CIB1: variants seen among roughly 807,000 people sequenced by gnomAD.
The protein encoded by CIB1 is calcium and integrin binding 1.
A neutral mutation model predicts 25.0 loss-of-function variants in CIB1; 19 were observed. The observed-to-expected ratio is 0.76, with a 90% CI of 0.53 to 1.12. CIB1 has a LOEUF of 1.12. Among genes scored for constraint, CIB1 ranks in the 50% most tolerant of loss-of-function variants. The pLI is 0.00. For missense variants in CIB1, 236 were observed against 242.6 expected (o/e 0.97, Z 0.18); for synonymous variants, 104 against 98.5 (o/e 1.06, Z -0.33).
chr15:90,265,565 G>A, the CIB1 span: 1 of 1,386,006 alleles, frequency 7.2e-7, no homozygotes, highest in South Asian at 1.4e-5. Flanking sequence ...CCACTGAGCA[G>A]CGTGAGCCCA....
the CIB1 span, chr15:90,264,023 G>C: frequency 6.5e-7 from 1 of 1,535,956 alleles, no homozygotes; most frequent in Non-Finnish European, 8.7e-7. Flanking sequence ...GCTGGGAGGT[G>C]CTATTTTTCC....
chr15:90,264,223 G>A, the CIB1 span, among the ~76,000 whole-genome samples: 2 of 152,026 alleles, frequency 1.3e-5, no homozygotes, highest in Admixed American at 6.6e-5. Context: ...ACAAGGTCAC[G>A]CTCTGTCGCC....
the CIB1 span, chr15:90,258,688 C>T: frequency 7.0e-7 from 1 of 1,438,822 alleles, no homozygotes; most frequent in African/African-American, 1.4e-5. Flanking sequence ...CTGCAAGAGG[C>T]CACCACCTGC....
chr15:90,247,455 G>A, the CIB1 span, among the ~76,000 whole-genome samples: 1 of 151,196 alleles, frequency 6.6e-6, no homozygotes, highest in Non-Finnish European at 1.5e-5. Context: ...TCATATGAGA[G>A]TATCATATGC....
the CIB1 span, chr15:90,241,383 G>A: frequency 5.3e-5 from 86 of 1,613,882 alleles, no homozygotes; most frequent in Non-Finnish European, 7.0e-5. Flanking sequence ...GGTGATCAAC[G>A]TCAGCCCCCT....
chr15:90,264,093 A>G, the CIB1 span: 11 of 1,346,398 alleles, frequency 8.2e-6, no homozygotes, highest in East Asian at 2.0e-4. Flanking sequence ...TCATTTTGAC[A>G]TATGTAAATC....
the CIB1 span, chr15:90,258,916 A>G: frequency 1.9e-6 from 3 of 1,614,092 alleles, no homozygotes; most frequent in African/African-American, 4.0e-5. Flanking sequence ...ACCGACAGCC[A>G]CGAGAATCTA....
intron 4 of CIB1, 53 bp downstream of exon 4, chr15:90,231,304 C>A: frequency 6.2e-7 from 1 of 1,609,174 alleles, no homozygotes; most frequent in Admixed American, 1.7e-5. Flanking sequence ...AGGGCCACCA[C>A]AAAGCCCACG....
chr15:90,232,120 C>T, intron 3 of CIB1, 99 bp downstream of exon 3: 1 of 913,610 alleles, frequency 1.1e-6, no homozygotes, highest in Non-Finnish European at 1.7e-6. Context: ...GAGTGGGGAC[C>T]AGTGACCCCA....
the CIB1 span, chr15:90,265,108 A>G: frequency 3.2e-6 from 4 of 1,268,036 alleles, no homozygotes; most frequent in Non-Finnish European, 4.2e-6. Flanking sequence ...ATAAGGCAAA[A>G]TACAAAGACA....
At chr15:90,241,129 G>A in the CIB1 span, 3 of 1,614,126 alleles carry the variant, frequency 1.9e-6, no homozygotes, top group Non-Finnish European at 2.5e-6. Flanking sequence ...GTGGAGCTGG[G>A]GCTGTTTCGC....
At chr15:90,263,053 G>A in the CIB1 span, 920 of 1,536,096 alleles carry the variant, frequency 6.0e-4, 5 homozygotes, top group Non-Finnish European at 5.6e-5. Flanking sequence ...GCTACAAAGG[G>A]AGACTCTCAT....
chr15:90,248,373 A>G, the CIB1 span, among the ~76,000 whole-genome samples: 1 of 152,322 alleles, frequency 6.6e-6, no homozygotes, highest in African/African-American at 2.4e-5. Flanking sequence ...GCTTATCTTT[A>G]TAGACAATTA....
At chr15:90,257,959 T>TA in the CIB1 span, 1 of 1,362,186 alleles carries the variant, frequency 7.3e-7, no homozygotes, top group Admixed American at 1.9e-5. Context: ...CAATTAGCGT[T>TA]AGTGTGAGGG....
chr15:90,262,270 A>G, the CIB1 span: 2 of 1,379,786 alleles, frequency 1.4e-6, no homozygotes, highest in Non-Finnish European at 9.6e-7. Flanking sequence ...GCAGGGAAAG[A>G]GGAAGCCAGA....
chr15:90,231,614 CGTG>C, intron 3 of CIB1, 107 bp from the exon 4 acceptor site: 1 of 1,326,884 alleles, frequency 7.5e-7, no homozygotes, highest in South Asian at 1.4e-5. Flanking sequence ...AGCTCAGCCT[CGTG>C]GGGGTGAACA....
At chr15:90,265,567 G>A in the CIB1 span, 5 of 1,386,260 alleles carry the variant, frequency 3.6e-6, no homozygotes, top group Admixed American at 2.3e-5. Context: ...ACTGAGCAGC[G>A]TGAGCCCAGA....
chr15:90,234,876 C>T (rs919033902), upstream of CIB1, among the ~76,000 whole-genome samples: 2 of 152,088 alleles, frequency 1.3e-5, no homozygotes, highest in East Asian at 1.9e-4. Flanking sequence ...AATGAATGAA[C>T]GTATACTATT....
At chr15:90,249,941 A>ATTTTTTTTT in the CIB1 span, 1 of 113,352 alleles carries the variant, frequency 8.8e-6, no homozygotes, top group Admixed American at 1.0e-4. Context: ...CTTCAGCTGT[A>ATTTTTTTTT]TTTTATTTTA....
Sources: gnomAD v4.1 joint callset for allele counts (sites outside exome capture counted in the v4.1 genomes callset) on GRCh38, gnomAD v4.1.1 for gene constraint, MANE v1.5 for transcripts, NCBI Gene and HGNC (gene_info 2026-07-23, HGNC 2026-07-21) for gene names.